The following KSR2 variants were observed in gnomAD, a reference collection of about 807,000 sequenced individuals.
The protein encoded by KSR2 is kinase suppressor of ras 2.
Under a neutral mutation model 107.8 loss-of-function variants are expected in KSR2, and 25 were observed. That is an observed-to-expected ratio of 0.23 (90% CI 0.17 to 0.32). The LOEUF (loss-of-function observed/expected upper bound fraction) is 0.32. Ranked by LOEUF, KSR2 falls within the 10% of genes least tolerant of loss-of-function variation. The probability of loss-of-function intolerance (pLI) is 1.00; values close to 1 mark genes in which losing one functional copy is unlikely to be tolerated. For missense variants in KSR2, 887 were observed against 1,268.9 expected, an observed-to-expected ratio of 0.70 and a Z score of 4.57; for synonymous variants, 480 against 507.0, an observed-to-expected ratio of 0.95 and a Z score of 0.71.
At chr12:117,712,690 C>T (rs1389171596) in intron 4 of KSR2, among the ~76,000 whole-genome samples, 2 of 152,210 alleles carry the variant, frequency 1.3e-5, no homozygotes, top group African/African-American at 2.4e-5. Context: ...AAGACTTCAA[C>T]ATCAACTTCT....
chr12:117,885,748 A>G (rs1894155651), intron 1 of KSR2, among the ~76,000 whole-genome samples: 1 of 151,796 alleles, frequency 6.6e-6, no homozygotes, highest in South Asian at 2.1e-4. Flanking sequence ...GGGGCGTAAA[A>G]CCTAGATGAC....
chr12:117,483,089 C>A (rs1247843112), intron 16 of KSR2, among the ~76,000 whole-genome samples: 1 of 152,202 alleles, frequency 6.6e-6, no homozygotes, highest in Non-Finnish European at 1.5e-5. Context: ...TGGGTTCCAA[C>A]TGGAGGGACT....
At chr12:117,738,517 G>C (rs4767605) in intron 4 of KSR2, among the ~76,000 whole-genome samples, 40,393 of 152,058 alleles carry the variant, frequency 0.27, 5,592 homozygotes, top group Middle Eastern at 0.33. Flanking sequence ...AACACAATGG[G>C]AAGTATTGGT....
chr12:117,952,882 G>T (rs1219012804), intron 1 of KSR2, among the ~76,000 whole-genome samples: 1 of 151,376 alleles, frequency 6.6e-6, no homozygotes, highest in African/African-American at 2.4e-5. Flanking sequence ...CTACTTAGGA[G>T]GCTGAGGCAG....
At chr12:117,677,946 TG>T (rs140995906) in intron 4 of KSR2, among the ~76,000 whole-genome samples, 7,736 of 151,538 alleles carry the variant, frequency 0.051, 535 homozygotes, top group African/African-American at 0.16. Flanking sequence ...GCTCCTTTTT[TG>T]TTTTTGAGAC....
intron 5 of KSR2, among the ~76,000 whole-genome samples, chr12:117,621,923 T>G (rs777006724): frequency 4.6e-5 from 7 of 151,954 alleles, no homozygotes; most frequent in Non-Finnish European, 5.9e-5. Flanking sequence ...ACAACAAAAA[T>G]TTGCAAAGGA....
At chr12:117,617,632 C>T (rs1733691918) in intron 5 of KSR2, among the ~76,000 whole-genome samples, 2 of 152,018 alleles carry the variant, frequency 1.3e-5, no homozygotes, top group African/African-American at 4.8e-5. Context: ...ATATGAAATT[C>T]CAGAAAATGT....
intron 5 of KSR2, among the ~76,000 whole-genome samples, chr12:117,593,285 G>A (rs1161750791): frequency 6.6e-6 from 1 of 152,206 alleles, no homozygotes; most frequent in African/African-American, 2.4e-5. Flanking sequence ...AAATGTCCCT[G>A]CGAAGGGAGA....
intron 4 of KSR2, among the ~76,000 whole-genome samples, chr12:117,742,204 T>C (rs1888242781): frequency 1.3e-5 from 2 of 152,224 alleles, no homozygotes; most frequent in Admixed American, 1.3e-4. Context: ...CCAGGAATTG[T>C]TCCTGATTAA....
intron 1 of KSR2, among the ~76,000 whole-genome samples, chr12:117,935,662 G>C (rs1257906437): frequency 6.6e-6 from 1 of 152,204 alleles, no homozygotes; most frequent in African/African-American, 2.4e-5. Context: ...TCAGGAGGCT[G>C]AGGCATAAGA....
At chr12:117,749,198 G>A (rs1246871144) in intron 4 of KSR2, among the ~76,000 whole-genome samples, 1 of 142,220 alleles carries the variant, frequency 7.0e-6, no homozygotes, top group Non-Finnish European at 1.5e-5. Flanking sequence ...CCCTCGGTGT[G>A]TACAGAAACT....
chr12:117,861,533 C>T (rs868814568), intron 1 of KSR2, among the ~76,000 whole-genome samples: 7 of 151,600 alleles, frequency 4.6e-5, no homozygotes, highest in Admixed American at 3.9e-4. Flanking sequence ...GGACTACAGG[C>T]GCCCGCCACC....
intron 1 of KSR2, among the ~76,000 whole-genome samples, chr12:117,869,028 T>A (rs545072867): frequency 6.6e-6 from 1 of 151,544 alleles, no homozygotes; most frequent in African/African-American, 2.4e-5. Context: ...GCTGGCATTA[T>A]AAGAGTGGGC....
At chr12:117,903,479 T>A (rs1894750314) in intron 1 of KSR2, among the ~76,000 whole-genome samples, 1 of 152,242 alleles carries the variant, frequency 6.6e-6, no homozygotes, top group Non-Finnish European at 1.5e-5. Context: ...ATACTTATGT[T>A]TTATTTAAGT....
chr12:117,722,603 A>C (rs868229188), intron 4 of KSR2, among the ~76,000 whole-genome samples: 8 of 152,204 alleles, frequency 5.3e-5, no homozygotes. Context: ...AAGTTACCCT[A>C]TATGGTCTAA....
intron 4 of KSR2, among the ~76,000 whole-genome samples, chr12:117,756,776 C>G (rs1045116532): frequency 6.6e-6 from 1 of 152,144 alleles, no homozygotes; most frequent in Non-Finnish European, 1.5e-5. Flanking sequence ...TGCTGGAGGC[C>G]GGGTGCAGTG....
intron 1 of KSR2, among the ~76,000 whole-genome samples, chr12:117,909,422 A>G (rs1296571013): frequency 6.6e-6 from 1 of 152,154 alleles, no homozygotes; most frequent in Non-Finnish European, 1.5e-5. Context: ...CGGCCCCCCA[A>G]CTATTATGAC....
At chr12:117,683,621 T>G (rs1885456878) in intron 4 of KSR2, among the ~76,000 whole-genome samples, 1 of 152,204 alleles carries the variant, frequency 6.6e-6, no homozygotes, top group Admixed American at 6.5e-5. Flanking sequence ...TAAACTTCGC[T>G]CAGTGACAAA....
chr12:117,895,870 C>A (rs1231556000), intron 1 of KSR2, among the ~76,000 whole-genome samples: 1 of 152,176 alleles, frequency 6.6e-6, no homozygotes, highest in Non-Finnish European at 1.5e-5. Context: ...ACCAGCCTGG[C>A]CAACATGGTG....
Sources: gnomAD v4.1 joint callset for allele counts (sites outside exome capture counted in the v4.1 genomes callset) on GRCh38, gnomAD v4.1.1 for gene constraint, MANE v1.5 for transcripts, NCBI Gene and HGNC (gene_info 2026-07-23, HGNC 2026-07-21) for gene names.